The following PLXNA4 variants were observed in gnomAD, a reference collection of about 807,000 sequenced individuals.
PLXNA4 encodes the protein plexin-A4.
A neutral mutation model predicts 191.8 loss-of-function variants in PLXNA4; 44 were observed. The ratio of observed to expected loss-of-function variants is 0.23; its 90% confidence interval spans 0.18 to 0.29. The LOEUF (loss-of-function observed/expected upper bound fraction) is 0.29. Ranked by LOEUF, PLXNA4 falls within the 10% of genes least tolerant of loss-of-function variation. The pLI is 1.00. For synonymous variants in PLXNA4, 1,082 were observed against 1,009.5 expected (o/e 1.07, Z -1.36); for missense variants, 1,800 against 2,488.8 (o/e 0.72, Z 5.89).
At chr7:132,179,483 A>G (rs768442967) in intron 20 of PLXNA4, among the ~76,000 whole-genome samples, 2 of 146,838 alleles carry the variant, frequency 1.4e-5, no homozygotes, top group African/African-American at 2.5e-5. Flanking sequence ...TATGAAACAT[A>G]TATACATACA....
intron 2 of PLXNA4, among the ~76,000 whole-genome samples, chr7:132,593,239 C>T (rs377712896): frequency 1.3e-5 from 2 of 152,332 alleles, no homozygotes; most frequent in African/African-American, 4.8e-5. Context: ...TAGCTCCTCT[C>T]CCTGCCTACC....
At chr7:132,206,207 C>G (rs115701904) in intron 10 of PLXNA4, among the ~76,000 whole-genome samples, 1,984 of 152,324 alleles carry the variant, frequency 0.013, 50 homozygotes, top group African/African-American at 0.045. Context: ...GATTCAAGAT[C>G]ATGCACAGCA....
chr7:132,442,383 G>A (rs1274169610), intron 3 of PLXNA4, among the ~76,000 whole-genome samples: 1 of 152,138 alleles, frequency 6.6e-6, no homozygotes, highest in Non-Finnish European at 1.5e-5. Context: ...AGCCTGTAAA[G>A]ATGGAAATGA....
chr7:132,400,913 A>G (rs1376896021), intron 3 of PLXNA4, among the ~76,000 whole-genome samples: 2 of 152,240 alleles, frequency 1.3e-5, no homozygotes, highest in African/African-American at 4.8e-5. Flanking sequence ...AAAAAATAGC[A>G]GGAGAAAACT....
intron 1 of PLXNA4, among the ~76,000 whole-genome samples, chr7:132,533,196 T>C (rs932499435): frequency 6.6e-6 from 1 of 152,222 alleles, no homozygotes; most frequent in Non-Finnish European, 1.5e-5. Flanking sequence ...ATATGCTTCT[T>C]ATTTTCAGTT....
Position 132,234,252 on chromosome 7 carries a change from T to G in PLXNA4, c.1605-5783A>C, listed in dbSNP as rs1016383692. Among the ~76,000 whole-genome samples the G allele has an allele frequency of 2.0e-5, 3 of 152,210 alleles. No homozygotes were observed. The East Asian group carries it at 5.8e-4, about 29-fold the overall frequency. On this transcript the variant is annotated intron_variant, in intron 5 of 31. Coordinates refer to ENST00000321063, the MANE Select transcript of PLXNA4 (RefSeq NM_020911.2). ...TGACTCCAGTTGATTCTCATCAACT[T>G]TACACTATACTTTATCCAACAGCCT...
chr7:132,377,174 T>C (rs998980966), intron 3 of PLXNA4, among the ~76,000 whole-genome samples: 2 of 152,112 alleles, frequency 1.3e-5, no homozygotes, highest in African/African-American at 2.4e-5. Context: ...TGTTATGAAA[T>C]ATCAGCCCAG....
intron 2 of PLXNA4, among the ~76,000 whole-genome samples, chr7:132,491,716 G>A (rs777553085): frequency 1.4e-4 from 22 of 152,030 alleles, no homozygotes; most frequent in Non-Finnish European, 2.6e-4. Context: ...ATCATCTGAG[G>A]TCAGGAGTTC....
intron 1 of PLXNA4, among the ~76,000 whole-genome samples, chr7:132,569,774 A>G (rs1801889912): frequency 2.0e-5 from 3 of 152,222 alleles, no homozygotes; most frequent in African/African-American, 4.8e-5. Flanking sequence ...CTTTCCTTGG[A>G]AAGACAAGGG....
intron 3 of PLXNA4, chr7:132,384,250 T>C: frequency 1.0e-6 from 1 of 985,450 alleles, no homozygotes; most frequent in Non-Finnish European, 1.2e-6. Flanking sequence ...ACAGAACAAA[T>C]CTACAGCACT....
chr7:132,140,098 G>A (rs1795223687), intron 30 of PLXNA4, among the ~76,000 whole-genome samples: 1 of 152,208 alleles, frequency 6.6e-6, no homozygotes, highest in Non-Finnish European at 1.5e-5. Context: ...AAGAGCTCAT[G>A]CAAGAGTCAA....
chr7:132,441,518 C>T (rs906151514), intron 3 of PLXNA4, among the ~76,000 whole-genome samples: 2 of 152,190 alleles, frequency 1.3e-5, no homozygotes, highest in African/African-American at 2.4e-5. Context: ...GCTAGGAGCA[C>T]GTTGCGCTCC....
At chr7:132,178,012 G>T (rs1430402875) in intron 20 of PLXNA4, among the ~76,000 whole-genome samples, 1 of 152,170 alleles carries the variant, frequency 6.6e-6, no homozygotes, top group Non-Finnish European at 1.5e-5. Flanking sequence ...CCCAGGATGA[G>T]TCACAAAATG....
chr7:132,210,423 C>G (rs1250287139), intron 10 of PLXNA4, among the ~76,000 whole-genome samples: 2 of 152,194 alleles, frequency 1.3e-5, no homozygotes, highest in South Asian at 2.1e-4. Context: ...CTGATCTAAG[C>G]AGCGCTCTCC....
intron 3 of PLXNA4, among the ~76,000 whole-genome samples, chr7:132,342,853 G>A (rs989244285): frequency 3.5e-4 from 52 of 150,478 alleles, no homozygotes; most frequent in African/African-American, 1.2e-3. Flanking sequence ...TGGCTGAGGA[G>A]GGAGAATCGT....
intron 19 of PLXNA4, 115 bp from the exon 20 acceptor site, chr7:132,180,036 C>A: frequency 6.9e-7 from 1 of 1,441,728 alleles, no homozygotes; most frequent in South Asian, 1.4e-5. Flanking sequence ...GGAGACCAAT[C>A]ACTGGTGTCA....
At chr7:132,133,812 C>T (rs2116509251) in intron 30 of PLXNA4, among the ~76,000 whole-genome samples, 1 of 152,290 alleles carries the variant, frequency 6.6e-6, no homozygotes, top group Admixed American at 6.5e-5. Context: ...AACTCCCCCA[C>T]CAGAGGGGGG....
chr7:132,442,550 C>T lies in PLXNA4; in HGVS notation c.1371+46742G>A, dbSNP rs994860912. Among the ~76,000 whole-genome samples, 3 of 152,206 alleles carry T rather than the reference C, an allele frequency of 2.0e-5. No homozygotes were observed. The East Asian group carries it at 5.8e-4, about 29-fold the overall frequency. On this transcript the variant is annotated intron_variant, in intron 3 of 31. Coordinates refer to ENST00000321063, the MANE Select transcript of PLXNA4 (RefSeq NM_020911.2). Reference sequence around the variant, plus strand: ...TTCTAGATTCCAATCTGCTGCTTCTCCATGGGGTTCTTTCTGTTCTTTTTC... The same window carrying T: ...TTCTAGATTCCAATCTGCTGCTTCTTCATGGGGTTCTTTCTGTTCTTTTTC...
At chr7:132,213,483 C>A (rs1797868148) in intron 9 of PLXNA4, among the ~76,000 whole-genome samples, 1 of 152,176 alleles carries the variant, frequency 6.6e-6, no homozygotes, top group Non-Finnish European at 1.5e-5. Flanking sequence ...TGCATGTGGT[C>A]TGAGGCTCTA....
Sources: allele counts gnomAD v4.1 joint callset (sites outside exome capture counted in the v4.1 genomes callset), GRCh38; gene constraint gnomAD v4.1.1; transcripts MANE v1.5; gene names NCBI Gene and HGNC (gene_info 2026-07-23, HGNC 2026-07-21).